SAE1: variants seen among roughly 807,000 people sequenced by gnomAD.
SAE1 encodes SUMO-activating enzyme subunit 1.
In SAE1, 11 loss-of-function variants were observed where a neutral mutation model predicts 40.6. The ratio of observed to expected loss-of-function variants is 0.27; its 90% confidence interval spans 0.17 to 0.45. SAE1 has a LOEUF of 0.45. SAE1 is among the 20% of genes least tolerant of loss of function. SAE1 has a pLI of 1.00. For missense variants in SAE1, 373 were observed against 427.3 expected (o/e 0.87, Z 1.12); for synonymous variants, 155 against 154.3 (o/e 1.00, Z -0.03).
intron 7 of SAE1, among the ~76,000 whole-genome samples, 184 bp downstream of exon 7, chr19:47,197,561 G>A (rs1462773835): frequency 6.6e-6 from 1 of 152,194 alleles, no homozygotes; most frequent in Non-Finnish European, 1.5e-5. Flanking sequence ...AGAGGGGACA[G>A]ATTCTGATTT....
At chr19:47,208,256 T>G (rs566520770) in intron 8 of SAE1, among the ~76,000 whole-genome samples, 37 of 152,116 alleles carry the variant, frequency 2.4e-4, no homozygotes, top group African/African-American at 8.9e-4. Flanking sequence ...AGGTGTTTTT[T>G]TGTTTGTTTG....
At chr19:47,140,086 T>C (rs1250559364) in intron 1 of SAE1, among the ~76,000 whole-genome samples, 13 of 146,730 alleles carry the variant, frequency 8.9e-5, no homozygotes, top group Non-Finnish European at 1.5e-4. Context: ...TACAGGCGCC[T>C]GCCACCACTC....
At chr19:47,178,930 A>T (rs895629971) in intron 6 of SAE1, among the ~76,000 whole-genome samples, 44 of 152,294 alleles carry the variant, frequency 2.9e-4, no homozygotes, top group African/African-American at 1.1e-3. Context: ...GCGGTGGCTT[A>T]TGCCTGTAAT....
intron 6 of SAE1, among the ~76,000 whole-genome samples, chr19:47,175,691 C>G (rs569852626): frequency 6.6e-6 from 1 of 152,124 alleles, no homozygotes; most frequent in South Asian, 2.1e-4. Flanking sequence ...GAGCCGAGAT[C>G]GTGCCACTGC....
chr19:47,196,912 G>A (rs949574607), intron 6 of SAE1, among the ~76,000 whole-genome samples: 6 of 152,052 alleles, frequency 3.9e-5, no homozygotes, highest in South Asian at 4.2e-4. Flanking sequence ...GCCAGGTGCC[G>A]TGGCTCACAC....
intron 6 of SAE1, among the ~76,000 whole-genome samples, chr19:47,195,864 G>A (rs2058610996): frequency 6.8e-6 from 1 of 147,002 alleles, no homozygotes; most frequent in Non-Finnish European, 1.5e-5. Flanking sequence ...CTCCTTAGTA[G>A]CTGGGACTAC....
intron 5 of SAE1, among the ~76,000 whole-genome samples, chr19:47,158,928 G>A (rs1001262991): frequency 2.6e-5 from 4 of 152,128 alleles, no homozygotes; most frequent in African/African-American, 7.2e-5. Flanking sequence ...GAGGATGGTG[G>A]GATAAAATAT....
intron 6 of SAE1, among the ~76,000 whole-genome samples, chr19:47,183,779 C>T (rs1017477340): frequency 2.6e-5 from 4 of 152,196 alleles, no homozygotes; most frequent in South Asian, 2.1e-4. Context: ...CATCTTCCCT[C>T]GGCAAGAGGG....
chr19:47,168,750 C>T (rs1331966754), intron 5 of SAE1, among the ~76,000 whole-genome samples: 1 of 151,962 alleles, frequency 6.6e-6, no homozygotes, highest in East Asian at 1.9e-4. Flanking sequence ...ATTACAGGTG[C>T]CTGCCACCAC....
At chr19:47,198,447 A>G (rs1351249719) in intron 7 of SAE1, among the ~76,000 whole-genome samples, 1 of 152,070 alleles carries the variant, frequency 6.6e-6, no homozygotes, top group East Asian at 1.9e-4. Context: ...GGGATCATGT[A>G]CACACCCTAA....
chr19:47,152,348 T>C (rs2058293119), intron 3 of SAE1, among the ~76,000 whole-genome samples: 1 of 152,240 alleles, frequency 6.6e-6, no homozygotes, highest in East Asian at 1.9e-4. Flanking sequence ...TGTAACCTTT[T>C]CTTTTGTCCT....
rs1483827449 is a variant in SAE1 at position 47,155,105 on chromosome 19, A to G, written c.528-9A>G. 6.5e-7 allele frequency: 1 copy of G among 1,542,644 alleles called. No individual in the cohort carries two copies. The highest frequency in any genetic ancestry group is 2.2e-5 in the East Asian group (1 of 44,476). On this transcript the variant is annotated splice_polypyrimidine_tract_variant and intron_variant, in intron 4 of 8. Coordinates refer to ENST00000270225, the MANE Select transcript of SAE1 (RefSeq NM_005500.3). ...TAAAATTACATTCTCTCCCCTTGTCACCCTCTAGGGAGAAAACTAAAGTTG... is the reference window on the plus strand; with the variant it reads ...TAAAATTACATTCTCTCCCCTTGTCGCCCTCTAGGGAGAAAACTAAAGTTG...
intron 2 of SAE1, among the ~76,000 whole-genome samples, chr19:47,145,943 T>G (rs929919905): frequency 6.6e-6 from 1 of 151,868 alleles, no homozygotes; most frequent in African/African-American, 2.4e-5. Context: ...AAGGTTTTTT[T>G]TTTTTTTTTT....
At chr19:47,131,858 G>T (rs1321659747) in intron 1 of SAE1, among the ~76,000 whole-genome samples, 1 of 151,480 alleles carries the variant, frequency 6.6e-6, no homozygotes, top group Non-Finnish European at 1.5e-5. Context: ...CCGCCAGCAC[G>T]CCCGGCTAAT....
chr19:47,197,996 C>CCTCT (rs2123312878), intron 7 of SAE1, among the ~76,000 whole-genome samples: 1 of 152,318 alleles, frequency 6.6e-6, no homozygotes, highest in South Asian at 2.1e-4. Context: ...TTCCCAGCAT[C>CCTCT]CTCTCACTTG....
chr19:47,166,095 C>T (rs2058390544), intron 5 of SAE1, among the ~76,000 whole-genome samples: 1 of 152,204 alleles, frequency 6.6e-6, no homozygotes, highest in Admixed American at 6.6e-5. Flanking sequence ...CCAAGCTTCT[C>T]AGGACTTTTT....
chr19:47,197,676 T>C (rs1311742821), intron 7 of SAE1, among the ~76,000 whole-genome samples: 1 of 152,214 alleles, frequency 6.6e-6, no homozygotes, highest in African/African-American at 2.4e-5. Context: ...TTGTTATCTC[T>C]TGGGGACATC....
intron 8 of SAE1, among the ~76,000 whole-genome samples, chr19:47,207,181 C>T (rs1404121339): frequency 6.6e-6 from 1 of 152,130 alleles, no homozygotes; most frequent in Non-Finnish European, 1.5e-5. Context: ...ACGGAGGTTG[C>T]AGTAAGCCGA....
At chr19:47,203,384 T>G (rs1197561748) in intron 7 of SAE1, among the ~76,000 whole-genome samples, 1 of 152,192 alleles carries the variant, frequency 6.6e-6, no homozygotes. Flanking sequence ...AGGACAGATA[T>G]AGGAAGCACA....
Sources: allele counts gnomAD v4.1 joint callset (sites outside exome capture counted in the v4.1 genomes callset), GRCh38; gene constraint gnomAD v4.1.1; transcripts MANE v1.5; gene names NCBI Gene and HGNC (gene_info 2026-07-23, HGNC 2026-07-21).